TFEB: variants seen among roughly 807,000 people sequenced by gnomAD.
TFEB encodes transcription factor EB.
TFEB carries 12 observed loss-of-function variants against 48.0 expected under a neutral mutation model. The observed-to-expected ratio is 0.25, with a 90% CI of 0.16 to 0.40. The LOEUF is 0.40. TFEB is among the 10% of genes least tolerant of loss of function. The pLI is 1.00. For synonymous variants in TFEB, 244 were observed against 261.4 expected, an observed-to-expected ratio of 0.93 and a Z score of 0.64; for missense variants, 509 against 640.3, an observed-to-expected ratio of 0.79 and a Z score of 2.21.
chr6:41,699,687 T>G (rs1005120964), intron 1 of TFEB, among the ~76,000 whole-genome samples: 1 of 152,220 alleles, frequency 6.6e-6, no homozygotes. Flanking sequence ...CTTCATAATA[T>G]AGCCTTTTAT....
At chr6:41,735,226 T>C in intron 1 of TFEB, 124 bp downstream of exon 1, 1 of 922,976 alleles carries the variant, frequency 1.1e-6, no homozygotes, top group Non-Finnish European at 1.3e-6. Flanking sequence ...CGGTCCTGCT[T>C]CCCTCTCCTG....
intron 1 of TFEB, among the ~76,000 whole-genome samples, chr6:41,725,912 T>C (rs543703302): frequency 2.6e-5 from 4 of 152,286 alleles, no homozygotes; most frequent in South Asian, 4.1e-4. Context: ...AGGAGTAAAG[T>C]AGTACAACCA....
At chr6:41,717,652 C>G (rs571366038) in intron 1 of TFEB, among the ~76,000 whole-genome samples, 1 of 152,286 alleles carries the variant, frequency 6.6e-6, no homozygotes, top group African/African-American at 2.4e-5. Flanking sequence ...CAGAAGGAAA[C>G]AGACACCCTC....
At chr6:41,701,175 G>A (rs1391766632) in intron 1 of TFEB, among the ~76,000 whole-genome samples, 1 of 152,184 alleles carries the variant, frequency 6.6e-6, no homozygotes, top group East Asian at 1.9e-4. Flanking sequence ...GTGCACACAC[G>A]TGTAGCCGCA....
chr6:41,689,248 G>A (rs1347240136), intron 4 of TFEB, among the ~76,000 whole-genome samples: 1 of 152,182 alleles, frequency 6.6e-6, no homozygotes, highest in Admixed American at 6.5e-5. Flanking sequence ...GAGTGTTCCT[G>A]TGGTTGGGGA....
chr6:41,713,925 A>G (rs1770596106), intron 1 of TFEB, among the ~76,000 whole-genome samples: 1 of 152,182 alleles, frequency 6.6e-6, no homozygotes, highest in Non-Finnish European at 1.5e-5. Context: ...ATGGCCACCC[A>G]TCCCCTGACA....
chr6:41,699,643 A>G (rs1331440938), intron 1 of TFEB, among the ~76,000 whole-genome samples: 1 of 152,240 alleles, frequency 6.6e-6, no homozygotes, highest in Non-Finnish European at 1.5e-5. Context: ...AAGTAGTCGG[A>G]GTGTTTACCA....
intron 1 of TFEB, chr6:41,735,020 A>ACCTT: frequency 1.0e-6 from 1 of 982,238 alleles, no homozygotes; most frequent in South Asian, 4.7e-5. Flanking sequence ...CGCCCCTTCG[A>ACCTT]CTCCCAGCTC....
Position 41,691,365 on chromosome 6 carries a change from G to A in TFEB, c.-22-130C>T. 1 of 982,040 alleles carries A rather than the reference G, an allele frequency of 1.0e-6. No homozygotes were observed. The allele number at this position is 982,040 out of a possible 1,614,324, so 60.8% of individuals were successfully genotyped here. A position where few individuals can be genotyped will look rare whatever the true frequency, so the allele number is the denominator to read the frequency against. On this transcript the variant is annotated intron_variant, in intron 1 of 8. Coordinates refer to ENST00000373033, the MANE Select transcript of TFEB (RefSeq NM_001271944.2). This position sits in a 1 kb window ranked among gnomAD's most constrained non-coding sequence, Gnocchi z 5.2. ...GGAGAAGACACCGAGCCCTGAGAGG[G>A]GAAGAGATTTGCCCAAGGTCACTGA...
chr6:41,732,650 A>G (rs983289452), intron 1 of TFEB: 1 of 985,914 alleles, frequency 1.0e-6, no homozygotes, highest in Non-Finnish European at 1.2e-6. Context: ...TGTACTCACC[A>G]TGTACCAGGC....
At chr6:41,727,927 T>C (rs1464960543) in intron 1 of TFEB, among the ~76,000 whole-genome samples, 2 of 152,100 alleles carry the variant, frequency 1.3e-5, no homozygotes, top group African/African-American at 4.8e-5. Context: ...GAAGGACTTG[T>C]CCAGAACGTA....
chr6:41,704,332 T>TG (rs1561860797), intron 1 of TFEB, among the ~76,000 whole-genome samples: 2 of 152,232 alleles, frequency 1.3e-5, no homozygotes, highest in South Asian at 4.1e-4. Context: ...GCTTTGTGAC[T>TG]GGGGGCAGGT....
At chr6:41,685,136 C>T (rs1348901899) in intron 8 of TFEB, 58 bp from the exon 9 acceptor site, 10 of 1,380,252 alleles carry the variant, frequency 7.2e-6, no homozygotes, top group Admixed American at 3.6e-5. Context: ...GCCACCAGGA[C>T]CCCTCCCCTG....
intron 8 of TFEB, 37 bp downstream of exon 8, chr6:41,686,053 T>A: frequency 2.5e-6 from 4 of 1,613,666 alleles, no homozygotes; most frequent in Non-Finnish European, 3.4e-6. Flanking sequence ...AGGTTAAGGG[T>A]CAGAGTTACC....
rs766620528 is a variant in TFEB, at chr6:41,723,603, T to A, written c.-23+11747A>T. The A allele has an allele frequency of 1.3e-4, 154 of 1,173,872 alleles. No homozygotes were observed. The highest frequency in any genetic ancestry group is 1.1e-4 in the Non-Finnish European group (98 of 911,288). The allele number at this position is 1,173,872 out of a possible 1,614,324, so 72.7% of individuals were successfully genotyped here. On this transcript the variant is annotated intron_variant, in intron 1 of 8. Coordinates refer to ENST00000373033, the MANE Select transcript of TFEB (RefSeq NM_001271944.2). This position sits in a 1 kb window ranked among gnomAD's most constrained non-coding sequence, Gnocchi z 6.0. ...GGCTGCTGTTTCTCACCCAGCCCCC[T>A]GCACCTCAGCTGGAGAGGAAGTTGC...
At chr6:41,698,661 C>A (rs932814267) in intron 1 of TFEB, among the ~76,000 whole-genome samples, 10 of 152,176 alleles carry the variant, frequency 6.6e-5, no homozygotes, top group African/African-American at 2.4e-4. Flanking sequence ...CACTCTCAGT[C>A]GTGGGGGAGC....
intron 1 of TFEB, among the ~76,000 whole-genome samples, chr6:41,704,910 T>A (rs1770128722): frequency 6.6e-6 from 1 of 152,198 alleles, no homozygotes; most frequent in African/African-American, 2.4e-5. Flanking sequence ...CACTGGGTGC[T>A]GGGGCTCTGG....
intron 1 of TFEB, among the ~76,000 whole-genome samples, chr6:41,706,103 G>A (rs536349558): frequency 1.7e-4 from 26 of 152,320 alleles, no homozygotes; most frequent in African/African-American, 6.3e-4. Context: ...CAGGTCCCCA[G>A]AATCCAGCAC....
intron 1 of TFEB, among the ~76,000 whole-genome samples, chr6:41,728,776 G>T (rs183674357): frequency 6.6e-6 from 1 of 152,106 alleles, no homozygotes; most frequent in Non-Finnish European, 1.5e-5. Flanking sequence ...ATCACTGTGC[G>T]GGGAGGGAGA....
Sources: allele counts gnomAD v4.1 joint callset (sites outside exome capture counted in the v4.1 genomes callset), GRCh38; gene constraint gnomAD v4.1.1; non-coding constraint Gnocchi (gnomAD v3.1); transcripts MANE v1.5; gene names NCBI Gene and HGNC (gene_info 2026-07-23, HGNC 2026-07-21).